The following ZFAND3 variants were observed in gnomAD, a reference collection of about 807,000 sequenced individuals.
ZFAND3 encodes the protein AN1-type zinc finger protein 3.
In ZFAND3, 10 loss-of-function variants were observed where a neutral mutation model predicts 29.6. That is an observed-to-expected ratio of 0.34 (90% CI 0.21 to 0.57). The LOEUF is 0.57. Among genes scored for constraint, ZFAND3 ranks in the 20% least tolerant of loss-of-function variants. The pLI is 0.86. For missense variants in ZFAND3, 230 were observed against 304.5 expected (o/e 0.76, Z 1.82); for synonymous variants, 128 against 112.6 (o/e 1.14, Z -0.87).
chr6:38,002,103 A>G (rs564995002), intron 2 of ZFAND3, among the ~76,000 whole-genome samples: 1 of 152,168 alleles, frequency 6.6e-6, no homozygotes, highest in South Asian at 2.1e-4. Context: ...TACTCAAGAG[A>G]TGTTGTTTTC....
rs952547123 is a variant in ZFAND3, at chr6:38,035,025, A to G, written c.113-26568A>G. On this transcript the variant is annotated intron_variant, in intron 2 of 5. Coordinates refer to ENST00000287218, the MANE Select transcript of ZFAND3 (RefSeq NM_021943.3). Reference sequence around the variant, plus strand: ...GTTTACTGGAAATTTAAGTTTTTACACTTCCTGGGCCTAGTGTAAAGTTGA... The same window carrying G: ...GTTTACTGGAAATTTAAGTTTTTACGCTTCCTGGGCCTAGTGTAAAGTTGA... Among the ~76,000 whole-genome samples, 87 of 151,506 alleles carry G rather than the reference A, an allele frequency of 5.7e-4. 1 individual carries two copies. Among genetic ancestry groups the G allele is most frequent in the African/African-American group, 2.1e-3 (85 of 41,188 alleles).
At chr6:37,918,384 G>T (rs1334551754) in intron 1 of ZFAND3, among the ~76,000 whole-genome samples, 2 of 150,978 alleles carry the variant, frequency 1.3e-5, no homozygotes, top group Non-Finnish European at 3.0e-5. Flanking sequence ...CTGTGTAGAT[G>T]TCTTTTCCTG....
intron 2 of ZFAND3, among the ~76,000 whole-genome samples, chr6:37,984,858 G>A (rs1762639492): frequency 1.3e-5 from 2 of 152,176 alleles, no homozygotes; most frequent in African/African-American, 4.8e-5. Flanking sequence ...TGGAAGCCTA[G>A]GACTTAGTCT....
intron 2 of ZFAND3, among the ~76,000 whole-genome samples, chr6:37,990,910 G>A (rs1169164215): frequency 6.6e-6 from 1 of 152,124 alleles, no homozygotes; most frequent in Non-Finnish European, 1.5e-5. Context: ...AAGTAAGCTT[G>A]TTTTAGTTAA....
At chr6:37,955,148 T>TG (rs1435874785) in intron 2 of ZFAND3, among the ~76,000 whole-genome samples, 20 of 122,298 alleles carry the variant, frequency 1.6e-4, no homozygotes, top group Non-Finnish European at 2.4e-4. Context: ...TCAACCAATT[T>TG]TTGTGTGTGT....
intron 5 of ZFAND3, among the ~76,000 whole-genome samples, chr6:38,141,163 TAAAAC>T (rs1327717186): frequency 2.0e-5 from 3 of 152,224 alleles, no homozygotes; most frequent in Non-Finnish European, 4.4e-5. Flanking sequence ...ACTTCATTCT[TAAAAC>T]AAGCACATAA....
chr6:38,031,968 A>G (rs1763570430), intron 2 of ZFAND3, among the ~76,000 whole-genome samples: 1 of 151,944 alleles, frequency 6.6e-6, no homozygotes, highest in Non-Finnish European at 1.5e-5. Context: ...AGTAGCTGGG[A>G]CTACAGGGGT....
chr6:38,035,172 T>A (rs2127453362), intron 2 of ZFAND3, among the ~76,000 whole-genome samples: 1 of 152,298 alleles, frequency 6.6e-6, no homozygotes, highest in African/African-American at 2.4e-5. Context: ...CTTGGTGAAC[T>A]ATAGCTGAAG....
intron 4 of ZFAND3, chr6:38,088,220 T>C (rs1581906791): frequency 6.6e-6 from 1 of 152,234 alleles, no homozygotes; most frequent in Non-Finnish European, 1.5e-5. Flanking sequence ...TCTTTTTTTA[T>C]CTGTTCCATC....
intron 2 of ZFAND3, among the ~76,000 whole-genome samples, chr6:37,957,483 A>G (rs1030048336): frequency 2.0e-5 from 3 of 152,054 alleles, no homozygotes; most frequent in African/African-American, 7.2e-5. Flanking sequence ...CACTTACTAA[A>G]CTTTCAACAT....
intron 2 of ZFAND3, among the ~76,000 whole-genome samples, chr6:37,983,647 C>T (rs1472977713): frequency 1.3e-5 from 2 of 151,958 alleles, no homozygotes; most frequent in South Asian, 4.1e-4. Flanking sequence ...GCGTGAGCCA[C>T]CCCCCACCCC....
chr6:38,118,576 A>C (rs1765465117), intron 5 of ZFAND3, among the ~76,000 whole-genome samples: 1 of 150,310 alleles, frequency 6.7e-6, no homozygotes, highest in South Asian at 2.1e-4. Flanking sequence ...CGGATCAAGC[A>C]ATTGGTCTAT....
intron 5 of ZFAND3, among the ~76,000 whole-genome samples, chr6:38,147,013 T>A (rs1330410503): frequency 6.6e-6 from 1 of 152,200 alleles, no homozygotes; most frequent in African/African-American, 2.4e-5. Flanking sequence ...AGGTCAGGGT[T>A]AGGGTGTCTG....
chr6:37,844,357 C>T (rs1170629715), intron 1 of ZFAND3, among the ~76,000 whole-genome samples: 1 of 152,142 alleles, frequency 6.6e-6, no homozygotes, highest in Non-Finnish European at 1.5e-5. Context: ...TCTTGGCTCA[C>T]TGCAAGCTCC....
chr6:38,097,249 ATT>A (rs1190146160), intron 4 of ZFAND3, among the ~76,000 whole-genome samples: 65 of 123,380 alleles, frequency 5.3e-4, no homozygotes, highest in African/African-American at 5.7e-4. Context: ...TTAATTTTTC[ATT>A]TTTTTTTTTT....
At chr6:37,945,020 A>G (rs994255850) in intron 2 of ZFAND3, among the ~76,000 whole-genome samples, 2 of 152,092 alleles carry the variant, frequency 1.3e-5, no homozygotes, top group African/African-American at 2.4e-5. Context: ...AGTGCCACCC[A>G]TTTTTACACC....
At chr6:37,879,244 A>T (rs182778182) in intron 1 of ZFAND3, among the ~76,000 whole-genome samples, 53 of 152,324 alleles carry the variant, frequency 3.5e-4, no homozygotes, top group Admixed American at 2.7e-3. Flanking sequence ...TTTGTATGTG[A>T]TGGGATGCTT....
intron 1 of ZFAND3, among the ~76,000 whole-genome samples, chr6:37,926,497 C>G (rs1761487279): frequency 6.6e-6 from 1 of 152,184 alleles, no homozygotes; most frequent in South Asian, 2.1e-4. Flanking sequence ...CCCTTTGCTA[C>G]TCCCTTGCAA....
intron 3 of ZFAND3, among the ~76,000 whole-genome samples, chr6:38,073,788 A>G (rs1399101309): frequency 6.6e-6 from 1 of 152,206 alleles, no homozygotes; most frequent in African/African-American, 2.4e-5. Flanking sequence ...ACATCTGAAA[A>G]ACTAAAATTG....
Sources: gnomAD v4.1 joint callset for allele counts (sites outside exome capture counted in the v4.1 genomes callset) on GRCh38, gnomAD v4.1.1 for gene constraint, MANE v1.5 for transcripts, NCBI Gene and HGNC (gene_info 2026-07-23, HGNC 2026-07-21) for gene names.